SYK: variants seen among roughly 807,000 people sequenced by gnomAD.
SYK encodes tyrosine-protein kinase SYK.
Under a neutral mutation model 77.8 loss-of-function variants are expected in SYK, and 16 were observed. The ratio of observed to expected loss-of-function variants is 0.21; its 90% confidence interval spans 0.14 to 0.31. The LOEUF is 0.31. Ranked by LOEUF, SYK falls within the 10% of genes least tolerant of loss-of-function variation. The pLI is 1.00. For synonymous variants in SYK, 312 were observed against 308.7 expected, an observed-to-expected ratio of 1.01 and a Z score of -0.11; for missense variants, 529 against 814.4, an observed-to-expected ratio of 0.65 and a Z score of 4.26.
chr9:90,811,617 G>C (rs1035586512), intron 1 of SYK, among the ~76,000 whole-genome samples: 6 of 152,140 alleles, frequency 3.9e-5, no homozygotes, highest in African/African-American at 1.2e-4. Context: ...CATTGTATTT[G>C]TTTAAAAAAC....
rs201228319 is a variant in SYK at position 90,896,318 on chromosome 9, C to G, written c.*718C>G. On this transcript the variant is annotated 3_prime_UTR_variant, in exon 14 of 14. Coordinates refer to ENST00000375754, the MANE Select transcript of SYK (RefSeq NM_003177.7). ...TGAATTGGCTTGGCTTACTTTCCCCCTGAAATCCTCTCTCCTGCAGACTGT... is the reference window on the plus strand; with the variant it reads ...TGAATTGGCTTGGCTTACTTTCCCCGTGAAATCCTCTCTCCTGCAGACTGT... The G allele has an allele frequency of 1.5e-4, 34 of 233,334 alleles. 1 individual carries two copies. The highest frequency in any genetic ancestry group is 7.0e-4 in the African/African-American group (32 of 45,474). 14.5% of individuals were successfully genotyped at this position (233,334 alleles called of 1,614,324 possible). A position where few individuals can be genotyped will look rare whatever the true frequency, so the allele number is the denominator to read the frequency against.
At chr9:90,813,367 T>C (rs1349788409) in intron 1 of SYK, among the ~76,000 whole-genome samples, 1 of 152,110 alleles carries the variant, frequency 6.6e-6, no homozygotes, top group Non-Finnish European at 1.5e-5. Flanking sequence ...GCCCCTGGAC[T>C]CATCGCCTGC....
intron 11 of SYK, among the ~76,000 whole-genome samples, chr9:90,883,604 G>A (rs986178332): frequency 3.3e-5 from 5 of 152,040 alleles, no homozygotes; most frequent in Non-Finnish European, 5.9e-5. Context: ...CCCTCCCTGC[G>A]TATCACAGCC....
rs757842806 is a variant in SYK at position 90,865,084 on chromosome 9, G to T, written c.833G>T (p.Gly278Val). Residue 278 changes from glycine (G) to valine (V), a missense_variant, in exon 6 of 14, where the codon GGT becomes GTT. Coordinates refer to ENST00000375754, the MANE Select transcript of SYK (RefSeq NM_003177.7). ...VNFGGRPQLP[G>V]SHPATWSAGG... ...TTTGGAGGCCGTCCACAACTTCCAG[G>T]TTCCCATCCTGCGGTAAGTGTCACT... is the stretch of plus-strand genomic sequence containing the variant. 2.5e-6 allele frequency: 4 copies of T among 1,613,978 alleles called. No homozygotes were observed. In the African/African-American group the frequency reaches 4.0e-5, roughly 16 times the overall value.
At chr9:90,854,677 C>T (rs1167748244) in intron 3 of SYK, among the ~76,000 whole-genome samples, 2 of 152,090 alleles carry the variant, frequency 1.3e-5, no homozygotes, top group East Asian at 1.9e-4. Flanking sequence ...CAGGGACCGA[C>T]GGTGAGTGCA....
At position 90,887,867 on chromosome 9, in the gene SYK, C is replaced by G. The variant is rs1028055781; in HGVS notation, c.1700C>G (p.Ser567Cys). 6.2e-7 allele frequency: 1 copy of G among 1,610,568 alleles called. No individual in the cohort carries two copies. Among genetic ancestry groups the G allele is most frequent in the Non-Finnish European group, 8.5e-7 (1 of 1,178,088 alleles). ...GGAGTGTTGATGTGGGAAGCATTCT[C>G]CTATGGGCAGAAGCCATATCGAGTG... ...SFGVLMWEAF[S>C]YGQKPYRGMK... is the part of the protein sequence containing the mutation. The change falls in exon 12 of 14, where the codon TCC becomes TGC. Residue 567 changes from serine to cysteine, a missense_variant. Physicochemically the swap from Ser to Cys is moderately radical, Grantham distance 112. This residue lies in a region of SYK where 208 missense variants were observed against 381.3 expected (regional missense o/e 0.55). Coordinates refer to ENST00000375754, the MANE Select transcript of SYK (RefSeq NM_003177.7).
At chr9:90,851,375 C>G (rs1826813979) in intron 3 of SYK, among the ~76,000 whole-genome samples, 1 of 152,236 alleles carries the variant, frequency 6.6e-6, no homozygotes, top group Non-Finnish European at 1.5e-5. Context: ...GTTACAGGGC[C>G]TTTGCACATG....
At chr9:90,829,943 A>T (rs1825818855) in intron 1 of SYK, among the ~76,000 whole-genome samples, 5 of 152,226 alleles carry the variant, frequency 3.3e-5, no homozygotes, top group Admixed American at 3.3e-4. Flanking sequence ...ATCAGCCTTT[A>T]CTTGATGCAC....
chr9:90,839,939 A>G (rs922141734), intron 1 of SYK, among the ~76,000 whole-genome samples: 1 of 152,140 alleles, frequency 6.6e-6, no homozygotes, highest in Non-Finnish European at 1.5e-5. Flanking sequence ...TGGACTGGGC[A>G]TGTTGGAATA....
chr9:90,889,383 G>A (rs1239528098), intron 13 of SYK, among the ~76,000 whole-genome samples: 2 of 152,248 alleles, frequency 1.3e-5, no homozygotes, highest in African/African-American at 4.8e-5. Context: ...GAGAATCGAT[G>A]TGGTTTGTGA....
At chr9:90,845,659 C>G in intron 3 of SYK, 65 bp downstream of exon 3, 1 of 1,570,160 alleles carries the variant, frequency 6.4e-7, no homozygotes, top group South Asian at 1.2e-5. Flanking sequence ...GGGAATAATT[C>G]AGCTTCCTTG....
chr9:90,818,710 T>C (rs1825393190), intron 1 of SYK, among the ~76,000 whole-genome samples: 1 of 152,276 alleles, frequency 6.6e-6, no homozygotes, highest in Admixed American at 6.5e-5. Context: ...CCTTTATTTT[T>C]CCTAAAAGAA....
At position 90,846,078 on chromosome 9, in the gene SYK, TTCAGC is replaced by T. The variant is rs578233835; in HGVS notation, c.578+485_578+489del. ...GAGTGGTGAGTGCAGGTTTGAAGACTTCAGCCTTAGGCCCACAGTCATTAGAGGGT... is the reference window on the plus strand; with the variant it reads ...GAGTGGTGAGTGCAGGTTTGAAGACTCTTAGGCCCACAGTCATTAGAGGGT... On this transcript the variant is annotated intron_variant, in intron 3 of 13. Transcript: ENST00000375754. Among the ~76,000 whole-genome samples the T allele has an allele frequency of 6.1e-4, 93 of 152,350 alleles. No homozygotes were observed. The Middle Eastern group carries it at 0.014, about 22-fold the overall frequency.
chr9:90,896,217 G>T lies in SYK; in HGVS notation c.*617G>T, dbSNP rs1229541160. 1 of 233,008 alleles carries T rather than the reference G, an allele frequency of 4.3e-6. No homozygotes were observed. The highest frequency in any genetic ancestry group is 8.5e-6 in the Non-Finnish European group (1 of 117,980). 14.4% of individuals were successfully genotyped at this position (233,008 alleles called of 1,614,324 possible). A position where few individuals can be genotyped will look rare whatever the true frequency, so the allele number is the denominator to read the frequency against. ...AAAGAAAGAAAGAAAAAAAAAAAAG[G>T]CCTGGATACTGCTTTTGCTGTCTCT... is the stretch of plus-strand genomic sequence containing the variant. On this transcript the variant is annotated 3_prime_UTR_variant, in exon 14 of 14. Transcript: ENST00000375754.
At position 90,895,605 on chromosome 9, in the gene SYK, T is replaced by C. The variant is rs1457238634; in HGVS notation, c.*5T>C. The C allele has an allele frequency of 6.2e-7, 1 of 1,613,600 alleles. No individual in the cohort carries two copies. The highest frequency in any genetic ancestry group is 1.7e-5 in the Admixed American group (1 of 60,006). On this transcript the variant is annotated 3_prime_UTR_variant, in exon 14 of 14. Transcript: ENST00000375754. The surrounding 1 kb of genome is among the most constrained non-coding windows in gnomAD (Gnocchi z 4.4). Reference sequence around the variant, plus strand: ...TACTATGACGTGGTGAACTAACCGCTCCCGCACCTGTCGGTGGCTGCCTTT... The same window carrying C: ...TACTATGACGTGGTGAACTAACCGCCCCCGCACCTGTCGGTGGCTGCCTTT...
At chr9:90,874,622 C>A in intron 8 of SYK, 50 bp from the exon 9 acceptor site, 1 of 1,562,306 alleles carries the variant, frequency 6.4e-7, no homozygotes, top group Non-Finnish European at 8.7e-7. Context: ...AAGGATGAAT[C>A]CTGGTGTGGG....
chr9:90,805,216 G>A (rs891942999), intron 1 of SYK, among the ~76,000 whole-genome samples: 1 of 152,216 alleles, frequency 6.6e-6, no homozygotes, highest in African/African-American at 2.4e-5. Context: ...TAAGAATGTT[G>A]ATGATTACTG....
Position 90,845,607 on chromosome 9 carries a change from C to T in SYK, c.578+13C>T, listed in dbSNP as rs774403920. 1.9e-5 allele frequency: 30 copies of T among 1,611,718 alleles called. No individual in the cohort carries two copies. The highest frequency in any genetic ancestry group is 4.0e-5 in the African/African-American group (3 of 74,886). On this transcript the variant is annotated intron_variant, in intron 3 of 13. Coordinates refer to ENST00000375754, the MANE Select transcript of SYK (RefSeq NM_003177.7). ...ATGGAAAGTTCCTGTGAGTATCGTGCCTTCCCCCTCACCTCCTGCCACCAG... is the reference window on the plus strand; with the variant it reads ...ATGGAAAGTTCCTGTGAGTATCGTGTCTTCCCCCTCACCTCCTGCCACCAG...
intron 1 of SYK, among the ~76,000 whole-genome samples, chr9:90,825,855 A>G (rs1313003813): frequency 6.6e-6 from 1 of 152,196 alleles, no homozygotes; most frequent in Admixed American, 6.5e-5. Flanking sequence ...TCAGCAGTGT[A>G]GAGAAGGGAA....
Sources: gnomAD v4.1 joint callset for allele counts (sites outside exome capture counted in the v4.1 genomes callset) on GRCh38, gnomAD v4.1.1 for gene constraint, gnomAD v4.1.1 regional missense constraint, Gnocchi (gnomAD v3.1) non-coding constraint, MANE v1.5 for transcripts, NCBI Gene and HGNC (gene_info 2026-07-23, HGNC 2026-07-21) for gene names.